Variants in BICD1 observed in about 807,000 individuals in gnomAD.
The protein encoded by BICD1 is protein bicaudal D homolog 1.
Under a neutral mutation model 92.5 loss-of-function variants are expected in BICD1, and 35 were observed. The observed-to-expected ratio is 0.38, with a 90% CI of 0.29 to 0.50. The LOEUF (loss-of-function observed/expected upper bound fraction) is 0.50, where lower values mean the gene tolerates loss of function less well. Among genes scored for constraint, BICD1 ranks in the 20% least tolerant of loss-of-function variants. The pLI, the probability that BICD1 is intolerant of heterozygous loss-of-function variation, is 0.93. For synonymous variants in BICD1, 429 were observed against 465.1 expected, an observed-to-expected ratio of 0.92 and a Z score of 1.00; for missense variants, 950 against 1,189.8, an observed-to-expected ratio of 0.80 and a Z score of 2.97.
At chr12:32,265,871 G>A (rs1173454351) in intron 2 of BICD1, among the ~76,000 whole-genome samples, 1 of 152,098 alleles carries the variant, frequency 6.6e-6, no homozygotes, top group Admixed American at 6.6e-5. Flanking sequence ...AAATTAGAAT[G>A]GAGAAGAGAA....
rs1286868258 is a variant in BICD1 at position 32,337,317 on chromosome 12, T to A, written c.2253-182T>A. ...TTTTAAAAATGTCCCATATATCTCATTGTATGGATGAACATATATTCCAGT... is the reference window on the plus strand; with the variant it reads ...TTTTAAAAATGTCCCATATATCTCAATGTATGGATGAACATATATTCCAGT... On this transcript the variant is annotated intron_variant, in intron 6 of 9. Transcript: ENST00000652176. The surrounding 1 kb of genome is among the most constrained non-coding windows in gnomAD (Gnocchi z 4.7). 6.6e-6 allele frequency among the ~76,000 whole-genome samples: 1 copy of A among 152,198 alleles called. No individual in the cohort carries two copies. Among genetic ancestry groups the A allele is most frequent in the Non-Finnish European group, 1.5e-5 (1 of 68,040 alleles).
At chr12:32,112,083 C>G (rs1043338252) in intron 1 of BICD1, among the ~76,000 whole-genome samples, 4 of 149,674 alleles carry the variant, frequency 2.7e-5, no homozygotes, top group Non-Finnish European at 5.9e-5. Flanking sequence ...CTCGGCTCAC[C>G]GCAAATTCTG....
chr12:32,183,356 G>A (rs1273728359), intron 1 of BICD1, among the ~76,000 whole-genome samples: 1 of 148,998 alleles, frequency 6.7e-6, no homozygotes, highest in African/African-American at 2.5e-5. Flanking sequence ...CATTGCAACC[G>A]CTGGTTCAAG....
chr12:32,211,803 A>G (rs568718378), intron 1 of BICD1, among the ~76,000 whole-genome samples: 11 of 152,006 alleles, frequency 7.2e-5, no homozygotes, highest in Non-Finnish European at 1.3e-4. Context: ...CCTTTGCAGG[A>G]TGATGATCTG....
In BICD1 at chr12:32,142,405, T is replaced by TAAAAAA. The variant is rs1162662533; in HGVS notation, c.213+34882_213+34887dup. Among the ~76,000 whole-genome samples the TAAAAAA allele has an allele frequency of 2.7e-3, 171 of 63,392 alleles. 8 individuals are homozygous for TAAAAAA. The highest frequency in any genetic ancestry group is 0.011 in the African/African-American group (159 of 14,754). The allele number at this position is 63,392 out of a possible 152,430, so 41.6% of individuals were successfully genotyped here. On this transcript the variant is annotated intron_variant, in intron 1 of 9. Coordinates refer to ENST00000652176, the MANE Select transcript of BICD1 (RefSeq NM_001714.4). ...CTGGGCAAAAGAGTGAGACTCTGTC[T>TAAAAAA]AAAAAAAAAAAAAAAAAAAAAAAAA...
intron 1 of BICD1, among the ~76,000 whole-genome samples, chr12:32,166,255 T>C (rs1184272432): frequency 6.5e-4 from 98 of 151,766 alleles, no homozygotes; most frequent in African/African-American, 2.3e-3. Flanking sequence ...CCTGCCTTAG[T>C]CTCCCAAGTA....
chr12:32,375,262 C>T (rs1048100317), intron 9 of BICD1, among the ~76,000 whole-genome samples: 1 of 151,762 alleles, frequency 6.6e-6, no homozygotes, highest in Non-Finnish European at 1.5e-5. Flanking sequence ...GGCACGGTGG[C>T]TCGTGTGTGT....
chr12:32,165,308 G>A (rs913730257), intron 1 of BICD1, among the ~76,000 whole-genome samples: 2 of 152,162 alleles, frequency 1.3e-5, no homozygotes, highest in African/African-American at 2.4e-5. Context: ...GAGGTCAGGA[G>A]ATTGAGACCA....
chr12:32,189,613 G>T (rs1410823701), intron 1 of BICD1, among the ~76,000 whole-genome samples: 1 of 151,888 alleles, frequency 6.6e-6, no homozygotes, highest in Non-Finnish European at 1.5e-5. Context: ...TGCATAATTT[G>T]TTGATGAATA....
chr12:32,330,821 T>A (rs147209880), intron 5 of BICD1, among the ~76,000 whole-genome samples: 16 of 152,280 alleles, frequency 1.1e-4, no homozygotes, highest in Admixed American at 3.9e-4. Context: ...CTTCTCTGAC[T>A]TCTTCCTAAA....
chr12:32,131,343 CA>C (rs1942540279), intron 1 of BICD1, among the ~76,000 whole-genome samples: 2 of 152,090 alleles, frequency 1.3e-5, no homozygotes, highest in African/African-American at 4.8e-5. Context: ...GCCTTTTTGA[CA>C]AAAGGTGGTG....
At chr12:32,292,886 A>G (rs1179588011) in intron 2 of BICD1, among the ~76,000 whole-genome samples, 1 of 152,210 alleles carries the variant, frequency 6.6e-6, no homozygotes, top group Non-Finnish European at 1.5e-5. Flanking sequence ...TTATGTGGTC[A>G]TTATACATTT....
intron 2 of BICD1, among the ~76,000 whole-genome samples, chr12:32,247,170 T>A (rs1946410305): frequency 1.3e-5 from 2 of 150,182 alleles, no homozygotes; most frequent in South Asian, 2.1e-4. Context: ...GGTGGGAGGA[T>A]CACTTGAGTC....
At chr12:32,170,002 T>C (rs1943888546) in intron 1 of BICD1, among the ~76,000 whole-genome samples, 1 of 152,212 alleles carries the variant, frequency 6.6e-6, no homozygotes, top group Non-Finnish European at 1.5e-5. Context: ...GGCGAGAATG[T>C]GGAGTTGACA....
intron 1 of BICD1, among the ~76,000 whole-genome samples, chr12:32,132,903 A>C (rs533342443): frequency 7.2e-5 from 11 of 152,272 alleles, no homozygotes; most frequent in African/African-American, 2.6e-4. Context: ...GGTGGCTTAG[A>C]CTGAGAGAGA....
Position 32,383,490 on chromosome 12 carries a change from T to C in BICD1, c.*5863T>C, listed in dbSNP as rs1484657543. On this transcript the variant is annotated 3_prime_UTR_variant, in exon 10 of 10. Coordinates refer to ENST00000652176, the MANE Select transcript of BICD1 (RefSeq NM_001714.4). ...TTGTGTAATCTGATCATGCACTCAA[T>C]GGTTGGAAAAGGCACTCCAGTGCTA... The C allele has an allele frequency of 1.3e-5, 2 of 152,192 alleles. No homozygotes were observed. Among genetic ancestry groups the C allele is most frequent in the Admixed American group, 1.3e-4 (2 of 15,274 alleles). The allele number at this position is 152,192 out of a possible 1,614,324, so 9.4% of individuals were successfully genotyped here.
intron 8 of BICD1, 81 bp downstream of exon 8, chr12:32,339,060 C>T: frequency 1.4e-6 from 2 of 1,440,604 alleles, no homozygotes; most frequent in East Asian, 2.8e-5. Context: ...CACTCAGGCT[C>T]ACCCAGCTGC....
At chr12:32,133,490 A>G (rs564347312) in intron 1 of BICD1, among the ~76,000 whole-genome samples, 50 of 140,462 alleles carry the variant, frequency 3.6e-4, no homozygotes, top group African/African-American at 1.1e-3. Context: ...TCCATCTGGG[A>G]AAAAAAAAAA....
chr12:32,168,473 T>G, intron 1 of BICD1, among the ~76,000 whole-genome samples: 1 of 147,566 alleles, frequency 6.8e-6, no homozygotes, highest in African/African-American at 2.5e-5. Flanking sequence ...GGGAAAAGGA[T>G]GGGAGGGTGG....
Sources: allele counts gnomAD v4.1 joint callset (sites outside exome capture counted in the v4.1 genomes callset), GRCh38; gene constraint gnomAD v4.1.1; non-coding constraint Gnocchi (gnomAD v3.1); transcripts MANE v1.5; gene names NCBI Gene and HGNC (gene_info 2026-07-23, HGNC 2026-07-21).